PRMT7: variants seen among roughly 807,000 people sequenced by gnomAD.
The protein encoded by PRMT7 is protein arginine N-methyltransferase 7.
A neutral mutation model predicts 85.4 loss-of-function variants in PRMT7; 75 were observed. The ratio of observed to expected loss-of-function variants is 0.88; its 90% CI spans 0.73 to 1.06. PRMT7 has a LOEUF of 1.06. PRMT7 is among the 50% of genes least tolerant of loss of function. PRMT7 has a pLI of 0.00. For synonymous variants in PRMT7, 397 were observed against 359.5 expected (o/e 1.10, Z -1.18); for missense variants, 868 against 915.2 (o/e 0.95, Z 0.67).
At position 68,311,079 on chromosome 16, in the gene PRMT7, G is replaced by A. The variant is rs1279821649; in HGVS notation, c.-239G>A. The A allele has an allele frequency of 5.2e-6, 4 of 764,852 alleles. No homozygotes were observed. The highest frequency in any genetic ancestry group is 2.0e-5 in the Admixed American group (1 of 49,492). 47.4% of individuals were successfully genotyped at this position (764,852 alleles called of 1,614,324 possible). A position where few individuals can be genotyped will look rare whatever the true frequency, so the allele number is the denominator to read the frequency against. Reference sequence around the variant, plus strand: ...GTAAAAGTGGTAGCAGCGGAGGCGAGCGGAGGGTTTCCCGCGGCGGGTGAG... The same window carrying A: ...GTAAAAGTGGTAGCAGCGGAGGCGAACGGAGGGTTTCCCGCGGCGGGTGAG... On this transcript the variant is annotated 5_prime_UTR_variant, in exon 1 of 19. Transcript: ENST00000441236.
intron 4 of PRMT7, chr16:68,323,595 G>T (rs948096135): frequency 2.6e-5 from 4 of 152,104 alleles, no homozygotes; most frequent in Admixed American, 2.6e-4. Flanking sequence ...TATCAGTTTA[G>T]AAGTGTGTTT....
At chr16:68,314,276 G>A (rs2044382113) in intron 2 of PRMT7, among the ~76,000 whole-genome samples, 1 of 152,214 alleles carries the variant, frequency 6.6e-6, no homozygotes, top group South Asian at 2.1e-4. Flanking sequence ...TGTTGCCCAG[G>A]CTGGAGTGCA....
At chr16:68,348,551 T>C in intron 14 of PRMT7, 120 bp downstream of exon 14, 1 of 617,750 alleles carries the variant, frequency 1.6e-6, no homozygotes. Flanking sequence ...ACATGCAACC[T>C]TACCTCCTAC....
At chr16:68,314,035 C>T (rs1276806847) in intron 2 of PRMT7, among the ~76,000 whole-genome samples, 1 of 152,208 alleles carries the variant, frequency 6.6e-6, no homozygotes, top group Non-Finnish European at 1.5e-5. Context: ...TGTATGCGTA[C>T]ATGCAGGTAT....
At chr16:68,338,409 C>A (rs1324246080) in intron 7 of PRMT7, among the ~76,000 whole-genome samples, 1 of 151,794 alleles carries the variant, frequency 6.6e-6, no homozygotes, top group Non-Finnish European at 1.5e-5. Flanking sequence ...GAGGGCGATT[C>A]TTCTGGTTTA....
chr16:68,352,239 A>G lies in PRMT7; in HGVS notation c.1414-9A>G, dbSNP rs1386132487. ...GACACCTGGGCCCTGCTTCTCGCCC[A>G]TTCACCAGGTCTCTCTCCTCCTGGG... On this transcript the variant is annotated splice_polypyrimidine_tract_variant and intron_variant, in intron 14 of 18. Coordinates refer to ENST00000441236, the MANE Select transcript of PRMT7 (RefSeq NM_019023.5). The G allele has an allele frequency of 1.2e-6, 2 of 1,612,282 alleles. No individual in the cohort carries two copies. Among genetic ancestry groups the G allele is most frequent in the African/African-American group, 2.7e-5 (2 of 74,872 alleles).
chr16:68,344,450 G>A (rs1195866494), intron 9 of PRMT7, among the ~76,000 whole-genome samples: 1 of 152,118 alleles, frequency 6.6e-6, no homozygotes, highest in Non-Finnish European at 1.5e-5. Flanking sequence ...TCTCTGTTCC[G>A]GGCCCCGTGG....
At chr16:68,356,820 A>T (rs2088621910) in intron 18 of PRMT7, 23 bp downstream of exon 18, 1 of 1,589,280 alleles carries the variant, frequency 6.3e-7, no homozygotes, top group Admixed American at 1.7e-5. Flanking sequence ...CACCGGGCCC[A>T]GTGTGCGTGC....
intron 16 of PRMT7, chr16:68,355,238 TCTC>T (rs1479650766): frequency 1.3e-5 from 2 of 152,624 alleles, no homozygotes; most frequent in Non-Finnish European, 2.9e-5. Context: ...CTCTGGCCCT[TCTC>T]CTGCCGGCTC....
intron 18 of PRMT7, 28 bp from the exon 19 acceptor site, chr16:68,357,026 C>G: frequency 6.3e-7 from 1 of 1,580,102 alleles, no homozygotes; most frequent in South Asian, 1.2e-5. Context: ...AGGGAGCCCT[C>G]ACCATCTTCC....
At position 68,347,642 on chromosome 16, in the gene PRMT7, C is replaced by G. The variant is rs764901246; in HGVS notation, c.1287C>G (p.Val429=). The change falls in exon 13 of 19, where the codon GTC becomes GTG. Residue 429 remains valine (V), a synonymous_variant. Coordinates refer to ENST00000441236, the MANE Select transcript of PRMT7 (RefSeq NM_019023.5). ...GGTGTTCCCTCTAGGTGTTTACAGTCGAGAGTTCAGCAGCTTCTCACAAAC... is the reference window on the plus strand; with the variant it reads ...GGTGTTCCCTCTAGGTGTTTACAGTGGAGAGTTCAGCAGCTTCTCACAAAC... ...HHLGVEQVFT[V]ESSAASHKLL... 18 of 1,613,624 alleles carry G rather than the reference C, an allele frequency of 1.1e-5. No homozygotes were observed. In the African/African-American group the frequency reaches 1.7e-4, roughly 16 times the overall value.
rs1338667729 is a variant in PRMT7 at position 68,345,795 on chromosome 16, A to G, written c.1048A>G (p.Arg350Gly). ...CTACTGCGTATGGTACAGCCTGCAG[A>G]GGACCAGGTACGTCGAGCCTCGTGG... The part of the protein sequence containing the change: ...DDYCVWYSLQ[R>G]TSPEKNERVR... The change falls in exon 10 of 19, where the codon AGG (arginine) becomes GGG (glycine). Residue 350 changes from arginine (R) to glycine (G), a missense_variant. Arg to Gly is a moderately radical substitution (Grantham distance 125, BLOSUM62 -2). Coordinates refer to ENST00000441236, the MANE Select transcript of PRMT7 (RefSeq NM_019023.5). The G allele has an allele frequency of 6.2e-7, 1 of 1,614,120 alleles. No individual in the cohort carries two copies. Among genetic ancestry groups the G allele is most frequent in the Non-Finnish European group, 8.5e-7 (1 of 1,180,014 alleles).
At chr16:68,351,316 C>T (rs2087298661) in intron 14 of PRMT7, 2 of 152,308 alleles carry the variant, frequency 1.3e-5, no homozygotes, top group African/African-American at 4.8e-5. Flanking sequence ...CCCTCTGCCA[C>T]TCCTTCCACT....
rs1327259844 is a variant in PRMT7, at chr16:68,327,432, G to C, written c.283-1634G>C. ...GAGTTCAGGGAAGACTTCTGGATGG[G>C]GGATTCATGCTGCCCTGGGAAGTGG... On this transcript the variant is annotated intron_variant, in intron 5 of 18. Coordinates refer to ENST00000441236, the MANE Select transcript of PRMT7 (RefSeq NM_019023.5). Among the ~76,000 whole-genome samples the C allele has an allele frequency of 3.3e-5, 5 of 152,222 alleles. No homozygotes were observed. In the East Asian group the frequency reaches 9.7e-4, roughly 29 times the overall value.
At chr16:68,355,677 G>C in intron 16 of PRMT7, 46 bp from the exon 17 acceptor site, 1 of 1,462,864 alleles carries the variant, frequency 6.8e-7, no homozygotes, top group South Asian at 1.4e-5. Context: ...CCTCTGTCTA[G>C]CTGCCGGCCT....
Position 68,357,465 on chromosome 16 carries a change from C to CT in PRMT7, c.*242dup. 2.0e-6 allele frequency: 1 copy of CT among 494,530 alleles called. No homozygotes were observed. The highest frequency in any genetic ancestry group is 3.5e-6 in the Non-Finnish European group (1 of 281,936). The allele number at this position is 494,530 out of a possible 1,614,324, so 30.6% of individuals were successfully genotyped here. On this transcript the variant is annotated 3_prime_UTR_variant, in exon 19 of 19. Transcript: ENST00000441236. ...CCCTGGAGGGGCTGGGAAGACCCCC[C>CT]TGCTTGTGCTTCTGAGGTGCTGAGA...
rs2151521355 is a variant in PRMT7 at position 68,327,199 on chromosome 16, A to C, written c.283-1867A>C. On this transcript the variant is annotated intron_variant, in intron 5 of 18. Coordinates refer to ENST00000441236, the MANE Select transcript of PRMT7 (RefSeq NM_019023.5). ...AAAAATATAGTATTCATGGTAGAAA[A>C]TGTGGGAAATACAGAAAAGGATTTA... 1.3e-5 allele frequency among the ~76,000 whole-genome samples: 2 copies of C among 152,298 alleles called. 1 individual carries two copies. The highest frequency in any genetic ancestry group is 6.8e-3 in the Middle Eastern group (2 of 294).
rs1340644587 is a variant in PRMT7, at chr16:68,352,400, G to A, written c.1566G>A (p.Val522=). The change falls in exon 15 of 19, where the codon GTG becomes GTA. Residue 522 remains valine, a synonymous_variant. Transcript: ENST00000441236. ...CAGCCTCGCTGCACGCTGTGGTTGT[G>A]GAGTTCAGGGTAGGCCACCCAGGGG... The part of the protein sequence containing the change: ...PQAASLHAVV[V]EFRDLWRIRS... 4 of 1,603,196 alleles carry A rather than the reference G, an allele frequency of 2.5e-6. No homozygotes were observed. The highest frequency in any genetic ancestry group is 2.2e-5 in the East Asian group (1 of 44,834).
At chr16:68,319,873 G>T (rs1206449215) in intron 3 of PRMT7, among the ~76,000 whole-genome samples, 1 of 152,184 alleles carries the variant, frequency 6.6e-6, no homozygotes, top group Non-Finnish European at 1.5e-5. Context: ...GGCCTGCCTA[G>T]TTCTGGGTGC....
Sources: allele counts gnomAD v4.1 joint callset (sites outside exome capture counted in the v4.1 genomes callset), GRCh38; gene constraint gnomAD v4.1.1; transcripts MANE v1.5; gene names NCBI Gene and HGNC (gene_info 2026-07-23, HGNC 2026-07-21).